The following AK7 variants were observed in gnomAD, a reference collection of about 807,000 sequenced individuals.
AK7 encodes the protein ATP-AMP transphosphorylase 7.
Under a neutral mutation model 96.6 loss-of-function variants are expected in AK7, and 78 were observed. The ratio of observed to expected loss-of-function variants is 0.81; its 90% CI spans 0.67 to 0.97. The LOEUF (loss-of-function observed/expected upper bound fraction) is 0.97. Among genes scored for constraint, AK7 ranks in the 50% least tolerant of loss-of-function variants. AK7 has a pLI of 0.00. For missense variants in AK7, 855 were observed against 887.9 expected (o/e 0.96, Z 0.47); for synonymous variants, 302 against 317.2 (o/e 0.95, Z 0.51).
intron 1 of AK7, among the ~76,000 whole-genome samples, chr14:96,394,941 A>G (rs534093967): frequency 6.6e-6 from 1 of 152,342 alleles, no homozygotes; most frequent in Non-Finnish European, 1.5e-5. Flanking sequence ...ACACCACTGC[A>G]CTCCAGCCTG....
At chr14:96,402,023 G>A (rs1364054314) in intron 2 of AK7, among the ~76,000 whole-genome samples, 1 of 152,142 alleles carries the variant, frequency 6.6e-6, no homozygotes, top group Non-Finnish European at 1.5e-5. Context: ...TGGCTGTCCT[G>A]GGCCCCAGAG....
intron 5 of AK7, among the ~76,000 whole-genome samples, chr14:96,432,730 A>G (rs1892423780): frequency 6.6e-6 from 1 of 151,856 alleles, no homozygotes; most frequent in East Asian, 1.9e-4. Flanking sequence ...CATGCCTGTA[A>G]TCCCAGCACT....
intron 16 of AK7, 93 bp downstream of exon 16, chr14:96,483,312 T>G: frequency 7.9e-7 from 1 of 1,266,140 alleles, no homozygotes; most frequent in Non-Finnish European, 1.1e-6. Context: ...CTTCCCATCC[T>G]GCTCTAGGGA....
chr14:96,460,843 C>T (rs1293540018), intron 12 of AK7, among the ~76,000 whole-genome samples: 2 of 152,172 alleles, frequency 1.3e-5, no homozygotes, highest in African/African-American at 4.8e-5. Context: ...TGCCTGCTTC[C>T]ATGGAGGTCT....
At position 96,460,749 on chromosome 14, in the gene AK7, C is replaced by T. The variant is rs571042492; in HGVS notation, c.1357+2537C>T. On this transcript the variant is annotated intron_variant, in intron 12 of 17. Coordinates refer to ENST00000267584, the MANE Select transcript of AK7 (RefSeq NM_152327.5). Reference sequence around the variant, plus strand: ...TCACCCATGTTCCACTCAGGGAGCACGCGACTGACCGGGGCTATTTGCCAT... The same window carrying T: ...TCACCCATGTTCCACTCAGGGAGCATGCGACTGACCGGGGCTATTTGCCAT... 9.8e-5 allele frequency among the ~76,000 whole-genome samples: 15 copies of T among 152,288 alleles called. No homozygotes were observed. The East Asian group carries it at 1.5e-3, about 16-fold the overall frequency.
intron 7 of AK7, among the ~76,000 whole-genome samples, chr14:96,444,283 T>A (rs1893114064): frequency 6.6e-6 from 1 of 152,094 alleles, no homozygotes; most frequent in Non-Finnish European, 1.5e-5. Flanking sequence ...GATTTTACAT[T>A]ATGACATTAC....
At chr14:96,471,888 TG>T (rs1894913627) in intron 13 of AK7, among the ~76,000 whole-genome samples, 1 of 152,172 alleles carries the variant, frequency 6.6e-6, no homozygotes, top group Admixed American at 6.6e-5. Context: ...AGCTTTTAAG[TG>T]TGCGATACAT....
At chr14:96,428,561 C>A (rs1892164749) in intron 5 of AK7, among the ~76,000 whole-genome samples, 1 of 152,162 alleles carries the variant, frequency 6.6e-6, no homozygotes, top group Non-Finnish European at 1.5e-5. Context: ...AATGGTTGAA[C>A]TAGTTTGCAG....
chr14:96,470,964 T>C (rs1894851002), intron 12 of AK7, among the ~76,000 whole-genome samples: 1 of 152,206 alleles, frequency 6.6e-6, no homozygotes, highest in South Asian at 2.1e-4. Flanking sequence ...CACTCGCCCA[T>C]GCTCTTTCTT....
At chr14:96,409,857 G>A (rs1005985321) in intron 4 of AK7, among the ~76,000 whole-genome samples, 4 of 152,108 alleles carry the variant, frequency 2.6e-5, no homozygotes, top group Admixed American at 1.3e-4. Context: ...GCTGAATCAC[G>A]GTACACTCTT....
chr14:96,466,001 C>T (rs553921102), intron 12 of AK7, among the ~76,000 whole-genome samples: 12 of 125,832 alleles, frequency 9.5e-5, no homozygotes, highest in East Asian at 8.5e-4. Flanking sequence ...TAGAGCAAGA[C>T]TCCATCTCAA....
At chr14:96,470,095 G>A (rs370601613) in intron 12 of AK7, among the ~76,000 whole-genome samples, 13 of 152,134 alleles carry the variant, frequency 8.5e-5, no homozygotes, top group African/African-American at 2.9e-4. Flanking sequence ...TGAGATTATA[G>A]GTGTGAGCCA....
Position 96,420,960 on chromosome 14 carries a change from A to G in AK7, c.609+28A>G, listed in dbSNP as rs773568316. Reference sequence around the variant, plus strand: ...AAGTCTGGCATAGTGGAACATGGACATCATCTGAAGTCTTTAAACATCTCT... The same window carrying G: ...AAGTCTGGCATAGTGGAACATGGACGTCATCTGAAGTCTTTAAACATCTCT... On this transcript the variant is annotated intron_variant, in intron 5 of 17. Coordinates refer to ENST00000267584, the MANE Select transcript of AK7 (RefSeq NM_152327.5). 5 of 1,448,400 alleles carry G rather than the reference A, an allele frequency of 3.5e-6. No individual in the cohort carries two copies. The African/African-American group carries it at 5.6e-5, about 16-fold the overall frequency. The allele number at this position is 1,448,400 out of a possible 1,614,324, so 89.7% of individuals were successfully genotyped here.
intron 5 of AK7, among the ~76,000 whole-genome samples, chr14:96,424,935 G>A (rs1891937271): frequency 6.6e-6 from 1 of 152,148 alleles, no homozygotes; most frequent in Non-Finnish European, 1.5e-5. Flanking sequence ...AGTCTAAAAT[G>A]AGAAATATGA....
chr14:96,419,827 C>T (rs1595390522), intron 4 of AK7, among the ~76,000 whole-genome samples: 1 of 122,716 alleles, frequency 8.1e-6, no homozygotes, highest in Middle Eastern at 6.3e-3. Flanking sequence ...TTGGTCTTCT[C>T]CCCCAGGCTG....
intron 4 of AK7, among the ~76,000 whole-genome samples, chr14:96,414,240 C>T (rs1297935533): frequency 2.0e-5 from 3 of 152,164 alleles, no homozygotes; most frequent in Non-Finnish European, 4.4e-5. Context: ...TGCATCAGGC[C>T]TGTGGAGGGG....
intron 6 of AK7, among the ~76,000 whole-genome samples, chr14:96,439,631 T>C (rs1892844396): frequency 7.0e-6 from 1 of 141,950 alleles, no homozygotes. Context: ...ACCACTGCAC[T>C]CCAGCCTGGG....
intron 4 of AK7, among the ~76,000 whole-genome samples, chr14:96,410,695 T>G (rs149712378): frequency 6.6e-6 from 1 of 152,322 alleles, no homozygotes; most frequent in African/African-American, 2.4e-5. Flanking sequence ...TTTTAAATGA[T>G]TTATCAAGGT....
chr14:96,465,015 A>ACTAGAAATGGAT (rs1456900375), intron 12 of AK7, among the ~76,000 whole-genome samples: 1 of 152,188 alleles, frequency 6.6e-6, no homozygotes, highest in African/African-American at 2.4e-5. Context: ...ATCCAACTGT[A>ACTAGAAATGGAT]CCCTAGAAAT....
Sources: gnomAD v4.1 joint callset for allele counts (sites outside exome capture counted in the v4.1 genomes callset) on GRCh38, gnomAD v4.1.1 for gene constraint, MANE v1.5 for transcripts, NCBI Gene and HGNC (gene_info 2026-07-23, HGNC 2026-07-21) for gene names.